The following PDGFC variants were observed in gnomAD, a reference collection of about 807,000 sequenced individuals.
The protein encoded by PDGFC is platelet-derived growth factor C.
Under a neutral mutation model 35.5 loss-of-function variants are expected in PDGFC, and 12 were observed. The observed-to-expected ratio is 0.34, with a 90% CI of 0.22 to 0.55. The LOEUF (loss-of-function observed/expected upper bound fraction) is 0.55, where lower values mean the gene tolerates loss of function less well. PDGFC is among the 20% of genes least tolerant of loss of function. The pLI, the probability that PDGFC is intolerant of heterozygous loss-of-function variation, is 0.91. For synonymous variants in PDGFC, 159 were observed against 148.8 expected (o/e 1.07, Z -0.50); for missense variants, 322 against 412.4 (o/e 0.78, Z 1.90).
chr4:156,928,416 T>A (rs1239881543), intron 1 of PDGFC, among the ~76,000 whole-genome samples: 5 of 152,142 alleles, frequency 3.3e-5, no homozygotes, highest in African/African-American at 1.2e-4. Context: ...GCATTGCACT[T>A]AGATCTGTAA....
At chr4:156,936,964 G>T (rs1000491537) in intron 1 of PDGFC, among the ~76,000 whole-genome samples, 5 of 152,172 alleles carry the variant, frequency 3.3e-5, no homozygotes, top group Admixed American at 3.3e-4. Flanking sequence ...CTATGCAATG[G>T]AATTCATGAC....
chr4:156,956,878 T>C (rs1732225038), intron 1 of PDGFC, among the ~76,000 whole-genome samples: 1 of 151,954 alleles, frequency 6.6e-6, no homozygotes, highest in Non-Finnish European at 1.5e-5. Context: ...ACATAGTAAG[T>C]CCTCTAAATA....
intron 2 of PDGFC, among the ~76,000 whole-genome samples, chr4:156,824,206 G>A (rs1490074183): frequency 6.7e-6 from 1 of 149,672 alleles, no homozygotes; most frequent in East Asian, 2.0e-4. Context: ...CAACTAAAGA[G>A]GCTCCAAAAC....
intron 3 of PDGFC, among the ~76,000 whole-genome samples, chr4:156,796,677 G>A (rs1015588817): frequency 1.4e-4 from 22 of 152,066 alleles, no homozygotes; most frequent in African/African-American, 5.3e-4. Flanking sequence ...TATTCTCTGA[G>A]TGTACTTCCT....
intron 2 of PDGFC, among the ~76,000 whole-genome samples, chr4:156,839,764 T>C (rs149529051): frequency 8.9e-4 from 136 of 152,310 alleles, no homozygotes; most frequent in African/African-American, 3.2e-3. Context: ...AAAGACTTGT[T>C]GAACGGCTTT....
intron 2 of PDGFC, among the ~76,000 whole-genome samples, chr4:156,834,621 G>C (rs1030802013): frequency 2.0e-5 from 3 of 152,084 alleles, no homozygotes; most frequent in Non-Finnish European, 4.4e-5. Context: ...AAAGGAGTAG[G>C]GGGTTAAATC....
chr4:156,952,607 A>G (rs776956061), intron 1 of PDGFC, among the ~76,000 whole-genome samples: 2 of 151,854 alleles, frequency 1.3e-5, no homozygotes, highest in Admixed American at 6.6e-5. Context: ...TAAATACCAC[A>G]GGCCAATTCT....
chr4:156,856,806 A>C (rs954878033), intron 1 of PDGFC, among the ~76,000 whole-genome samples: 1 of 152,152 alleles, frequency 6.6e-6, no homozygotes, highest in Admixed American at 6.6e-5. Context: ...ACCCTAATAA[A>C]GTCCCTTAGT....
chr4:156,921,771 A>C (rs1353297247), intron 1 of PDGFC, among the ~76,000 whole-genome samples: 1 of 152,118 alleles, frequency 6.6e-6, no homozygotes, highest in Non-Finnish European at 1.5e-5. Flanking sequence ...TGTCCAAACA[A>C]ACACAGATAA....
At chr4:156,893,662 T>A (rs1444773073) in intron 1 of PDGFC, among the ~76,000 whole-genome samples, 4 of 149,714 alleles carry the variant, frequency 2.7e-5, no homozygotes, top group Non-Finnish European at 6.0e-5. Flanking sequence ...AAATCACTCA[T>A]TACCATCAAA....
chr4:156,930,197 T>C (rs1050679335), intron 1 of PDGFC, among the ~76,000 whole-genome samples: 2 of 152,242 alleles, frequency 1.3e-5, no homozygotes, highest in African/African-American at 4.8e-5. Flanking sequence ...TGTTCAAAAG[T>C]AGATTTAATT....
rs796601601 is a variant in PDGFC, at chr4:156,948,150, TAA to T, written c.118+22634_118+22635del. On this transcript the variant is annotated intron_variant, in intron 1 of 5. Transcript: ENST00000502773. ...TTCCAGATGTTTCCAACAAGTGTAC[TAA>T]AAAAAAAAAAAACCTCCCAGAATAT... 5.9e-3 allele frequency among the ~76,000 whole-genome samples: 475 copies of T among 79,912 alleles called. 3 individuals are homozygous for T. The highest frequency in any genetic ancestry group is 0.021 in the African/African-American group (443 of 20,958). The allele number at this position is 79,912 out of a possible 152,430, so 52.4% of individuals were successfully genotyped here. A position where few individuals can be genotyped will look rare whatever the true frequency, so the allele number is the denominator to read the frequency against.
intron 2 of PDGFC, among the ~76,000 whole-genome samples, chr4:156,839,688 T>C (rs549251709): frequency 4.6e-5 from 7 of 152,252 alleles, no homozygotes; most frequent in Middle Eastern, 6.8e-3. Flanking sequence ...ATGGGAAAGT[T>C]TGAAACTTCC....
At chr4:156,883,545 T>C (rs1730305194) in intron 1 of PDGFC, among the ~76,000 whole-genome samples, 1 of 152,196 alleles carries the variant, frequency 6.6e-6, no homozygotes, top group Admixed American at 6.5e-5. Context: ...AAGTTAGTAT[T>C]GATTGATTGC....
intron 1 of PDGFC, among the ~76,000 whole-genome samples, chr4:156,868,556 C>T (rs974312817): frequency 2.6e-5 from 4 of 152,150 alleles, no homozygotes; most frequent in African/African-American, 7.2e-5. Flanking sequence ...AGCAACTCTC[C>T]CAAAATTCGA....
intron 1 of PDGFC, among the ~76,000 whole-genome samples, chr4:156,868,831 C>T (rs1729909598): frequency 6.6e-6 from 1 of 152,178 alleles, no homozygotes; most frequent in African/African-American, 2.4e-5. Context: ...TATCCTCCGT[C>T]TTCTTTCTAT....
At chr4:156,859,481 T>C (rs774816746) in intron 1 of PDGFC, among the ~76,000 whole-genome samples, 1 of 152,138 alleles carries the variant, frequency 6.6e-6, no homozygotes, top group Non-Finnish European at 1.5e-5. Flanking sequence ...GTTATATTTG[T>C]AGCAAGATGT....
intron 1 of PDGFC, among the ~76,000 whole-genome samples, chr4:156,942,794 A>G (rs768914291): frequency 1.4e-4 from 21 of 151,022 alleles, no homozygotes; most frequent in Non-Finnish European, 2.2e-4. Flanking sequence ...GTATAATTGC[A>G]ATATTGTGAT....
intron 1 of PDGFC, among the ~76,000 whole-genome samples, chr4:156,961,218 T>G (rs1732335314): frequency 6.6e-6 from 1 of 152,132 alleles, no homozygotes; most frequent in African/African-American, 2.4e-5. Context: ...CAAGCTGTGA[T>G]TTATTCCCCA....
Sources: gnomAD v4.1 joint callset for allele counts (sites outside exome capture counted in the v4.1 genomes callset) on GRCh38, gnomAD v4.1.1 for gene constraint, MANE v1.5 for transcripts, NCBI Gene and HGNC (gene_info 2026-07-23, HGNC 2026-07-21) for gene names.